The following TMEM74 variants were observed in gnomAD, a reference collection of about 807,000 sequenced individuals.
The protein encoded by TMEM74 is transmembrane protein 74.
A neutral mutation model predicts 18.1 loss-of-function variants in TMEM74; 13 were observed. The ratio of observed to expected loss-of-function variants is 0.72; its 90% CI spans 0.47 to 1.14. The LOEUF (loss-of-function observed/expected upper bound fraction) is 1.14. Ranked by LOEUF, TMEM74 falls within the 50% of genes most tolerant of loss-of-function variation. TMEM74 has a pLI of 0.00. For synonymous variants in TMEM74, 159 were observed against 146.6 expected (o/e 1.08, Z -0.61); for missense variants, 372 against 375.9 (o/e 0.99, Z 0.09).
chr8:108,613,834 C>T (rs935703753), intron 2 of TMEM74, among the ~76,000 whole-genome samples: 4 of 152,114 alleles, frequency 2.6e-5, no homozygotes, highest in African/African-American at 9.7e-5. Flanking sequence ...GTATAAACTA[C>T]AAGGTAGATT....
At chr8:108,668,510 T>C (rs940913410) in intron 1 of TMEM74, among the ~76,000 whole-genome samples, 4 of 151,954 alleles carry the variant, frequency 2.6e-5, no homozygotes, top group Admixed American at 2.6e-4. Flanking sequence ...ACTACTACTA[T>C]TGGTAATTCT....
chr8:108,711,877 C>T (rs1813479048), intron 1 of TMEM74, among the ~76,000 whole-genome samples: 1 of 151,812 alleles, frequency 6.6e-6, no homozygotes, highest in South Asian at 2.1e-4. Context: ...CTAGTATGGC[C>T]CAAGTCTAGG....
chr8:108,784,292 T>C lies in TMEM74; in HGVS notation c.807A>G (p.Lys269=). 1.9e-6 allele frequency: 3 copies of C among 1,614,144 alleles called. No homozygotes were observed. Among genetic ancestry groups the C allele is most frequent in the Non-Finnish European group, 2.5e-6 (3 of 1,180,042 alleles). Residue 269 remains lysine (K), a synonymous_variant, in exon 2 of 2, where the codon AAA becomes AAG. Transcript: ENST00000297459. ...LYRRNRFASS[K]ESAKLYGSFN... Reference sequence around the variant, plus strand: ...AAGAACCATAGAGTTTTGCAGACTCTTTGGAAGAGGCAAATCTGTTTCGAC... The same window carrying C: ...AAGAACCATAGAGTTTTGCAGACTCCTTGGAAGAGGCAAATCTGTTTCGAC...
chr8:108,764,003 C>CT (rs1285300812), intron 1 of TMEM74, among the ~76,000 whole-genome samples: 2 of 152,092 alleles, frequency 1.3e-5, no homozygotes, highest in East Asian at 1.9e-4. Flanking sequence ...TTTTTACCTC[C>CT]TTTTTTTCCT....
intron 1 of TMEM74, among the ~76,000 whole-genome samples, chr8:108,713,810 T>C (rs548176100): frequency 1.3e-5 from 2 of 152,266 alleles, no homozygotes; most frequent in South Asian, 4.1e-4. Flanking sequence ...GACCCTGCAA[T>C]GCTGAAAACA....
intron 2 of TMEM74, among the ~76,000 whole-genome samples, chr8:108,609,804 T>A (rs1021151286): frequency 6.6e-6 from 1 of 152,232 alleles, no homozygotes; most frequent in African/African-American, 2.4e-5. Flanking sequence ...ATGATTATTG[T>A]CATTCTGCTC....
chr8:108,611,037 T>A (rs146189941), intron 2 of TMEM74, among the ~76,000 whole-genome samples: 12 of 152,294 alleles, frequency 7.9e-5, no homozygotes, highest in African/African-American at 2.6e-4. Context: ...GTCCTCAAAA[T>A]ATACTACATT....
chr8:108,688,352 C>G (rs1284654570), intron 1 of TMEM74, among the ~76,000 whole-genome samples: 1 of 152,212 alleles, frequency 6.6e-6, no homozygotes, highest in East Asian at 1.9e-4. Context: ...CGTGTGAGAT[C>G]ACAACTCATG....
intron 1 of TMEM74, among the ~76,000 whole-genome samples, chr8:108,697,891 T>C (rs1049192078): frequency 8.5e-5 from 13 of 152,208 alleles, no homozygotes; most frequent in Admixed American, 1.3e-4. Context: ...TTTTTCAAAG[T>C]ATACTATATC....
chr8:108,754,702 G>A (rs779901352), intron 1 of TMEM74, among the ~76,000 whole-genome samples: 4 of 151,576 alleles, frequency 2.6e-5, no homozygotes, highest in Non-Finnish European at 4.4e-5. Flanking sequence ...TAGGTAGACA[G>A]AGATTTATTA....
chr8:108,651,095 C>T (rs1451567800), intron 2 of TMEM74, among the ~76,000 whole-genome samples: 1 of 152,070 alleles, frequency 6.6e-6, no homozygotes, highest in Admixed American at 6.6e-5. Flanking sequence ...TAATCTTCTC[C>T]ATAGCGCTTA....
intron 2 of TMEM74, among the ~76,000 whole-genome samples, chr8:108,615,037 C>T (rs1286105205): frequency 6.6e-6 from 1 of 152,238 alleles, no homozygotes; most frequent in Non-Finnish European, 1.5e-5. Flanking sequence ...ATATTCTGGA[C>T]TCTCTTGAAT....
chr8:108,662,242 A>C (rs980822990), intron 1 of TMEM74, among the ~76,000 whole-genome samples: 31 of 152,104 alleles, frequency 2.0e-4, no homozygotes, highest in African/African-American at 7.2e-4. Flanking sequence ...AAACACACAC[A>C]CATACAAACA....
intron 1 of TMEM74, among the ~76,000 whole-genome samples, chr8:108,728,804 C>T (rs1310309122): frequency 6.6e-6 from 1 of 152,156 alleles, no homozygotes; most frequent in Non-Finnish European, 1.5e-5. Flanking sequence ...CTTATACATA[C>T]AGACTCTCAA....
chr8:108,671,705 C>T (rs1181327086), intron 1 of TMEM74, among the ~76,000 whole-genome samples: 1 of 151,756 alleles, frequency 6.6e-6, no homozygotes, highest in Non-Finnish European at 1.5e-5. Flanking sequence ...AGTTGACAGC[C>T]CTCAGGGACC....
At chr8:108,649,640 G>A (rs1024580541) in intron 2 of TMEM74, among the ~76,000 whole-genome samples, 1 of 152,136 alleles carries the variant, frequency 6.6e-6, no homozygotes, top group Non-Finnish European at 1.5e-5. Flanking sequence ...TCACCAACCT[G>A]ATATCTGACA....
At chr8:108,704,633 A>G (rs768113754) in intron 1 of TMEM74, among the ~76,000 whole-genome samples, 1 of 152,260 alleles carries the variant, frequency 6.6e-6, no homozygotes, top group Non-Finnish European at 1.5e-5. Context: ...TACAAAAACA[A>G]AAAAGACAAA....
intron 2 of TMEM74, among the ~76,000 whole-genome samples, chr8:108,623,284 T>G (rs1011579761): frequency 3.3e-5 from 5 of 152,136 alleles, no homozygotes; most frequent in African/African-American, 1.2e-4. Flanking sequence ...TCTTCAAAAC[T>G]ATTAAGAGTG....
At chr8:108,671,313 C>T (rs991180479) in intron 1 of TMEM74, among the ~76,000 whole-genome samples, 1 of 152,092 alleles carries the variant, frequency 6.6e-6, no homozygotes, top group South Asian at 2.1e-4. Flanking sequence ...TTCTATGTGG[C>T]AAGACAACAG....
Sources: gnomAD v4.1 joint callset for allele counts (sites outside exome capture counted in the v4.1 genomes callset) on GRCh38, gnomAD v4.1.1 for gene constraint, MANE v1.5 for transcripts, NCBI Gene and HGNC (gene_info 2026-07-23, HGNC 2026-07-21) for gene names.